Variants in PPP4R3A observed in about 807,000 individuals in gnomAD.
PPP4R3A encodes serine/threonine-protein phosphatase 4 regulatory subunit 3A.
In PPP4R3A, 15 loss-of-function variants were observed where a neutral mutation model predicts 91.7. The observed-to-expected ratio is 0.16, with a 90% CI of 0.11 to 0.25. PPP4R3A has a LOEUF of 0.25. PPP4R3A is among the 10% of genes least tolerant of loss of function. The pLI is 1.00. For missense variants in PPP4R3A, 623 were observed against 998.4 expected (o/e 0.62, Z 5.07); for synonymous variants, 377 against 348.7 (o/e 1.08, Z -0.91).
At chr14:91,471,147 T>A in intron 9 of PPP4R3A, 152 bp from the exon 10 acceptor site, 2 of 671,090 alleles carry the variant, frequency 3.0e-6, no homozygotes, top group Non-Finnish European at 2.4e-6. Context: ...ACTGAACGCC[T>A]AACATGTGCC....
At position 91,458,370 on chromosome 14, in the gene PPP4R3A, A is replaced by G; in HGVS notation, c.*389T>C. The G allele has an allele frequency of 3.9e-6, 1 of 256,228 alleles. No individual in the cohort carries two copies. The highest frequency in any genetic ancestry group is 7.7e-6 in the Non-Finnish European group (1 of 129,760). 15.9% of individuals were successfully genotyped at this position (256,228 alleles called of 1,614,324 possible). A position where few individuals can be genotyped will look rare whatever the true frequency, so the allele number is the denominator to read the frequency against. ...AACTGCTGGCATTCTTGACTAGTGA[A>G]GAATTATGGCAGAAAGGCCCATTCT... is the stretch of plus-strand genomic sequence containing the variant. On this transcript the variant is annotated 3_prime_UTR_variant, in exon 15 of 15. Coordinates refer to ENST00000554943, the MANE Select transcript of PPP4R3A (RefSeq NM_001366432.2).
intron 1 of PPP4R3A, among the ~76,000 whole-genome samples, chr14:91,499,811 A>C (rs541287061): frequency 1.4e-3 from 161 of 116,132 alleles, no homozygotes; most frequent in South Asian, 6.0e-3. Flanking sequence ...ACAGAGCGAG[A>C]CTCCACCTCA....
chr14:91,479,299 T>C (rs1889399999), intron 4 of PPP4R3A, among the ~76,000 whole-genome samples: 2 of 141,632 alleles, frequency 1.4e-5, no homozygotes, highest in African/African-American at 2.8e-5. Flanking sequence ...ACAACGTGTG[T>C]GTGTGTGTGT....
upstream of PPP4R3A, chr14:91,510,514 C>T (rs578194119): frequency 1.3e-5 from 2 of 152,412 alleles, no homozygotes; most frequent in African/African-American, 4.8e-5. Flanking sequence ...CTCCCTCCCG[C>T]CTCCTTGCAC....
chr14:91,463,846 T>C (rs1888311563), intron 11 of PPP4R3A, among the ~76,000 whole-genome samples: 1 of 152,170 alleles, frequency 6.6e-6, no homozygotes, highest in Admixed American at 6.5e-5. Flanking sequence ...GTGTATAGCT[T>C]ATTTCATCAC....
Position 91,509,748 on chromosome 14 carries a change from G to A in PPP4R3A, c.-101C>T, listed in dbSNP as rs972927852. On this transcript the variant is annotated 5_prime_UTR_variant, in exon 1 of 15. Coordinates refer to ENST00000554943, the MANE Select transcript of PPP4R3A (RefSeq NM_001366432.2). ...AGGCGTGAGGGCGCCCGCGAGCGGA[G>A]GGCTCCCCGGCCTCACTGCCGCCGC... The A allele has an allele frequency of 1.9e-5, 26 of 1,368,110 alleles. No homozygotes were observed. Among genetic ancestry groups the A allele is most frequent in the Admixed American group, 7.7e-5 (2 of 26,084 alleles). The allele number at this position is 1,368,110 out of a possible 1,614,324, so 84.7% of individuals were successfully genotyped here.
intron 10 of PPP4R3A, among the ~76,000 whole-genome samples, chr14:91,469,825 AAGTGCTGGGATTATAGAC>A (rs1230003998): frequency 1.3e-5 from 2 of 151,918 alleles, no homozygotes; most frequent in Non-Finnish European, 2.9e-5. Context: ...CATCCTCCCA[AAGTGCTGGGATTATAGAC>A]ATGAGCCACT....
intron 1 of PPP4R3A, among the ~76,000 whole-genome samples, chr14:91,498,947 A>T (rs1359025365): frequency 1.3e-5 from 2 of 149,512 alleles, no homozygotes; most frequent in Non-Finnish European, 3.0e-5. Context: ...AGCCTGGCTA[A>T]TTTTTTTATT....
chr14:91,477,034 TA>T, intron 4 of PPP4R3A, 48 bp from the exon 5 acceptor site: 2 of 1,424,248 alleles, frequency 1.4e-6, no homozygotes, highest in Non-Finnish European at 1.9e-6. Context: ...AAGATTGTCC[TA>T]AAATATAATT....
At chr14:91,485,830 G>A in intron 2 of PPP4R3A, 100 bp from the exon 3 acceptor site, 1 of 700,586 alleles carries the variant, frequency 1.4e-6, no homozygotes, top group South Asian at 2.3e-5. Context: ...TTTACTTTTT[G>A]CAACACTAAT....
Position 91,507,444 on chromosome 14 carries a change from C to CTA in PPP4R3A, c.142+2060_142+2061dup, listed in dbSNP as rs1566660441. ...AATATATATACTATAATTATATATA[C>CTA]TATATAGTATATATACTATAATTAT... On this transcript the variant is annotated intron_variant, in intron 1 of 14. Transcript: ENST00000554943. Among the ~76,000 whole-genome samples, 14 of 131,960 alleles carry CTA rather than the reference C, an allele frequency of 1.1e-4. 2 individuals are homozygous for CTA. Among genetic ancestry groups the CTA allele is most frequent in the African/African-American group, 4.3e-4 (14 of 32,224 alleles). The allele number at this position is 131,960 out of a possible 152,430, so 86.6% of individuals were successfully genotyped here. A position where few individuals can be genotyped will look rare whatever the true frequency, so the allele number is the denominator to read the frequency against.
chr14:91,507,418 TAATATATATACTATA>T (rs1414378278), intron 1 of PPP4R3A, among the ~76,000 whole-genome samples: 1 of 62,288 alleles, frequency 1.6e-5, no homozygotes, highest in Non-Finnish European at 3.4e-5. Flanking sequence ...ATATACTATA[TAATATATATACTATA>T]ATTATATATA....
intron 1 of PPP4R3A, among the ~76,000 whole-genome samples, chr14:91,495,322 G>C (rs200484855): frequency 7.3e-5 from 11 of 151,634 alleles, no homozygotes; most frequent in South Asian, 4.2e-4. Context: ...GTGTGTGTGT[G>C]TGTATGTTTT....
chr14:91,480,879 A>T (rs957290686), intron 4 of PPP4R3A, among the ~76,000 whole-genome samples: 2 of 152,072 alleles, frequency 1.3e-5, no homozygotes, highest in Non-Finnish European at 2.9e-5. Context: ...TTACAAAAAA[A>T]TTTTTAAAAG....
chr14:91,477,684 C>T (rs1315739737), intron 4 of PPP4R3A, among the ~76,000 whole-genome samples: 1 of 152,170 alleles, frequency 6.6e-6, no homozygotes, highest in Non-Finnish European at 1.5e-5. Flanking sequence ...GAGTCTTGCT[C>T]TGTCACCCAG....
chr14:91,466,731 C>A (rs555597348), intron 10 of PPP4R3A, among the ~76,000 whole-genome samples: 8 of 152,064 alleles, frequency 5.3e-5, no homozygotes, highest in Non-Finnish European at 1.2e-4. Flanking sequence ...TTTATTTTCC[C>A]AAAACAATAT....
At position 91,485,633 on chromosome 14, in the gene PPP4R3A, T is replaced by C; in HGVS notation, c.296A>G (p.Gln99Arg). 6.3e-7 allele frequency: 1 copy of C among 1,598,228 alleles called. No homozygotes were observed. The highest frequency in any genetic ancestry group is 8.5e-7 in the Non-Finnish European group (1 of 1,175,010). Residue 99 changes from glutamine (Q) to arginine (R), a missense_variant and splice_region_variant, in exon 3 of 15, where the codon CAG becomes CGG. By Grantham distance (43) the Gln-to-Arg change is conservative (BLOSUM62 1). Around this residue, in one of 5 missense-constraint regions of PPP4R3A, gnomAD observed 20 missense variants for 75.6 expected, o/e 0.26. Coordinates refer to ENST00000554943, the MANE Select transcript of PPP4R3A (RefSeq NM_001366432.2). Reference sequence around the variant, plus strand: ...TGATTTTTTTATTTAAAAAATTACCTGACATATTTTCTCCCAAATTTCATC... The same window carrying C: ...TGATTTTTTTATTTAAAAAATTACCCGACATATTTTCTCCCAAATTTCATC... Reference protein sequence around the residue: ...GCDEIWEKICQVQGKDPSVDI... With the variant: ...GCDEIWEKICRVQGKDPSVDI...
Position 91,473,073 on chromosome 14 carries a change from A to G in PPP4R3A, c.1461T>C (p.Ala487=). ...CTTCTGTTGTATTTGCTAGTAAAGG[A>G]GCAGTGAGAACATGCATACAGTGCT... ...FYKHCMHVLT[A]PLLANTTEDK... is the part of the protein sequence containing the mutation. The change falls in exon 9 of 15, where the codon GCT becomes GCC. Residue 487 remains alanine (A), a synonymous_variant. Coordinates refer to ENST00000554943, the MANE Select transcript of PPP4R3A (RefSeq NM_001366432.2). 6.2e-7 allele frequency: 1 copy of G among 1,614,128 alleles called. No homozygotes were observed. Among genetic ancestry groups the G allele is most frequent in the Non-Finnish European group, 8.5e-7 (1 of 1,180,008 alleles).
chr14:91,464,806 T>C (rs1888378512), intron 11 of PPP4R3A, among the ~76,000 whole-genome samples: 1 of 152,202 alleles, frequency 6.6e-6, no homozygotes, highest in Non-Finnish European at 1.5e-5. Context: ...CCTAACCTTT[T>C]TGGTTTCATG....
Sources: allele counts gnomAD v4.1 joint callset (sites outside exome capture counted in the v4.1 genomes callset), GRCh38; gene constraint gnomAD v4.1.1; regional missense constraint gnomAD v4.1.1; transcripts MANE v1.5; gene names NCBI Gene and HGNC (gene_info 2026-07-23, HGNC 2026-07-21).